Variants in GDPD5 observed in about 807,000 individuals in gnomAD.
GDPD5 encodes glycerophosphodiester phosphodiesterase 2.
Under a neutral mutation model 75.1 loss-of-function variants are expected in GDPD5, and 48 were observed. The observed-to-expected ratio is 0.64, with a 90% CI of 0.51 to 0.81. GDPD5 has a LOEUF of 0.81. GDPD5 is among the 40% of genes least tolerant of loss of function. The pLI is 0.00. For missense variants in GDPD5, 706 were observed against 822.6 expected (o/e 0.86, Z 1.73); for synonymous variants, 336 against 339.0 (o/e 0.99, Z 0.10).
chr11:75,439,899 C>T lies in GDPD5; in HGVS notation c.1536G>A (p.Val512=). The change falls in exon 15 of 17, where the codon GTG becomes GTA. Residue 512 remains valine (V), a synonymous_variant. Transcript: ENST00000336898. The part of the protein sequence containing the change: ...TADLVSFTLI[V]GIFVLQKWRL... ...CTCACTTCTGGAGCACGAAGATGCC[C>T]ACGATGAGGGTGAAGGAGACCAGGT... 1 of 1,613,898 alleles carries T rather than the reference C, an allele frequency of 6.2e-7. No individual in the cohort carries two copies. The highest frequency in any genetic ancestry group is 8.5e-7 in the Non-Finnish European group (1 of 1,179,906).
chr11:75,464,007 G>T (rs1405738002), intron 3 of GDPD5, among the ~76,000 whole-genome samples: 1 of 152,198 alleles, frequency 6.6e-6, no homozygotes. Context: ...CTAAACTCAC[G>T]CTCTGCACAC....
Position 75,449,060 on chromosome 11 carries a change from G to C in GDPD5, c.631C>G (p.Leu211Val), listed in dbSNP as rs934931317. ...TVVFALYLAP[L>V]TISSPCIMEK... ...ATGATGCAGGGAGAGGAGATGGTGAGAGGGGCCAGGTAGAGGGCAAACACC... is the reference window on the plus strand; with the variant it reads ...ATGATGCAGGGAGAGGAGATGGTGACAGGGGCCAGGTAGAGGGCAAACACC... Residue 211 changes from leucine to valine, a missense_variant, in exon 9 of 17, where the codon CTC (leucine) becomes GTC (valine). Leu to Val is a conservative substitution (Grantham distance 32, BLOSUM62 1). Transcript: ENST00000336898. 8.1e-6 allele frequency: 13 copies of C among 1,606,620 alleles called. No individual in the cohort carries two copies. Among genetic ancestry groups the C allele is most frequent in the Non-Finnish European group, 1.1e-5 (13 of 1,177,626 alleles).
intron 3 of GDPD5, among the ~76,000 whole-genome samples, chr11:75,466,860 G>A (rs888458518): frequency 6.6e-6 from 1 of 152,108 alleles, no homozygotes; most frequent in African/African-American, 2.4e-5. Flanking sequence ...GGTAGGGGAG[G>A]AGTGGGGATA....
intron 1 of GDPD5, among the ~76,000 whole-genome samples, chr11:75,493,263 A>AC (rs58709783): frequency 5.3e-5 from 8 of 151,438 alleles, no homozygotes; most frequent in African/African-American, 7.3e-5. Flanking sequence ...ACACACACAC[A>AC]AATAAATTCA....
At chr11:75,441,933 T>C (rs1387483054) in intron 12 of GDPD5, 130 bp from the exon 13 acceptor site, 2 of 930,728 alleles carry the variant, frequency 2.1e-6, no homozygotes, top group Non-Finnish European at 3.1e-6. Context: ...ATGAAGTCAT[T>C]AGCAGGGCAG....
intron 2 of GDPD5, among the ~76,000 whole-genome samples, chr11:75,484,312 C>T (rs1949978424): frequency 6.6e-6 from 1 of 152,170 alleles, no homozygotes; most frequent in Non-Finnish European, 1.5e-5. Flanking sequence ...TGAATGTCTG[C>T]ACTAGTTGTG....
intron 4 of GDPD5, among the ~76,000 whole-genome samples, 178 bp downstream of exon 4, chr11:75,462,608 G>GGAGGTGAGCAGGACA (rs1241164107): frequency 1.3e-5 from 2 of 151,914 alleles, no homozygotes; most frequent in Non-Finnish European, 2.9e-5. Flanking sequence ...CCAAAGCCCT[G>GGAGGTGAGCAGGACA]GAGGTGAGCA....
intron 13 of GDPD5, among the ~76,000 whole-genome samples, 162 bp downstream of exon 13, chr11:75,441,484 C>A (rs1289809568): frequency 2.6e-5 from 4 of 152,176 alleles, no homozygotes; most frequent in Non-Finnish European, 4.4e-5. Context: ...ACACGCTCAC[C>A]CTCTTGTCTT....
intron 2 of GDPD5, chr11:75,479,523 GGA>G (rs754855245): frequency 2.6e-5 from 4 of 152,160 alleles, no homozygotes; most frequent in Admixed American, 1.3e-4. Context: ...TTTAAAAAAT[GGA>G]GATATAATTC....
chr11:75,495,033 C>T (rs534924052), intron 1 of GDPD5, among the ~76,000 whole-genome samples: 19 of 151,572 alleles, frequency 1.3e-4, no homozygotes, highest in Admixed American at 8.6e-4. Flanking sequence ...TTTGGGAGAC[C>T]GAGGCGGGCA....
At chr11:75,442,660 G>A (rs576820076) in intron 11 of GDPD5, 79 bp from the exon 12 acceptor site, 20 of 1,306,604 alleles carry the variant, frequency 1.5e-5, no homozygotes, top group South Asian at 1.1e-4. Context: ...GCAACCAAGC[G>A]TGGAGACCCC....
chr11:75,523,940 T>C (rs1358568818), intron 1 of GDPD5, among the ~76,000 whole-genome samples: 1 of 152,156 alleles, frequency 6.6e-6, no homozygotes, highest in African/African-American at 2.4e-5. Flanking sequence ...TCTCTAGGGT[T>C]AACTAGGCCT....
At chr11:75,506,269 C>G (rs911368680) in intron 1 of GDPD5, among the ~76,000 whole-genome samples, 12 of 152,188 alleles carry the variant, frequency 7.9e-5, no homozygotes, top group Non-Finnish European at 1.6e-4. Flanking sequence ...AGACACTCCC[C>G]CCAGGAACAC....
chr11:75,444,573 G>T, intron 9 of GDPD5, 78 bp from the exon 10 acceptor site: 1 of 1,129,202 alleles, frequency 8.9e-7, no homozygotes, highest in Non-Finnish European at 1.3e-6. Flanking sequence ...AGTCTTTCAT[G>T]TTGGGAGGCT....
intron 9 of GDPD5, among the ~76,000 whole-genome samples, chr11:75,445,201 G>A (rs1203404497): frequency 6.6e-6 from 1 of 152,120 alleles, no homozygotes; most frequent in Admixed American, 6.5e-5. Flanking sequence ...CCAGGCTGTA[G>A]TGCAGTGACA....
intron 2 of GDPD5, among the ~76,000 whole-genome samples, chr11:75,488,280 C>A (rs1220847920): frequency 6.6e-6 from 1 of 152,148 alleles, no homozygotes; most frequent in Non-Finnish European, 1.5e-5. Context: ...CCAGTGAAGG[C>A]CCCGGGACTA....
chr11:75,455,471 A>G, intron 6 of GDPD5: 1 of 423,580 alleles, frequency 2.4e-6, no homozygotes, highest in South Asian at 1.6e-5. Flanking sequence ...CCCATGTAAC[A>G]AACCGGCCTC....
intron 3 of GDPD5, among the ~76,000 whole-genome samples, chr11:75,473,275 C>T (rs1259786231): frequency 1.3e-5 from 2 of 152,014 alleles, no homozygotes; most frequent in Admixed American, 6.5e-5. Flanking sequence ...CCTTCCTGTG[C>T]TATTCCTGGA....
At chr11:75,503,301 A>T (rs1950330665) in intron 1 of GDPD5, among the ~76,000 whole-genome samples, 1 of 152,234 alleles carries the variant, frequency 6.6e-6, no homozygotes, top group Non-Finnish European at 1.5e-5. Flanking sequence ...GATTACAGGC[A>T]TGAGCCACCA....
Sources: allele counts gnomAD v4.1 joint callset (sites outside exome capture counted in the v4.1 genomes callset), GRCh38; gene constraint gnomAD v4.1.1; transcripts MANE v1.5; gene names NCBI Gene and HGNC (gene_info 2026-07-23, HGNC 2026-07-21).